The following NTRK2 variants were observed in gnomAD, a reference collection of about 807,000 sequenced individuals.
NTRK2 encodes BDNF/NT-3 growth factors receptor.
In NTRK2, 13 loss-of-function variants were observed where a neutral mutation model predicts 94.5. The ratio of observed to expected loss-of-function variants is 0.14; its 90% CI spans 0.09 to 0.22. The LOEUF (loss-of-function observed/expected upper bound fraction) is 0.22, where lower values mean the gene tolerates loss of function less well. NTRK2 is among the 10% of genes least tolerant of loss of function. The probability of loss-of-function intolerance (pLI) is 1.00; values close to 1 mark genes in which losing one functional copy is unlikely to be tolerated. For missense variants in NTRK2, 639 were observed against 1,071.2 expected (o/e 0.60, Z 5.63); for synonymous variants, 372 against 407.4 (o/e 0.91, Z 1.05).
At chr9:84,805,758 G>T (rs1360526100) in intron 12 of NTRK2, among the ~76,000 whole-genome samples, 2 of 152,166 alleles carry the variant, frequency 1.3e-5, no homozygotes, top group Admixed American at 1.3e-4. Context: ...TGAATAGATG[G>T]GTTCATTCAT....
intron 14 of NTRK2, among the ~76,000 whole-genome samples, chr9:84,914,201 C>A (rs771344455): frequency 6.6e-6 from 1 of 152,000 alleles, no homozygotes; most frequent in African/African-American, 2.4e-5. Flanking sequence ...CTTTATATTT[C>A]TTTCCCGGCA....
Position 84,673,354 on chromosome 9 carries a change from C to T in NTRK2, c.212+2394C>T, listed in dbSNP as rs560125392. On this transcript the variant is annotated intron_variant, in intron 2 of 18. Transcript: ENST00000277120. ...CTTGCACAGCTTTTAAATTCTTGTC[C>T]AGTGGATACCAGCTACAGTTGGAAC... 2.0e-5 allele frequency among the ~76,000 whole-genome samples: 3 copies of T among 152,130 alleles called. No homozygotes were observed. In the South Asian group the frequency reaches 6.2e-4, roughly 32 times the overall value.
intron 14 of NTRK2, among the ~76,000 whole-genome samples, chr9:84,880,175 C>T (rs1294025667): frequency 1.3e-5 from 2 of 152,144 alleles, no homozygotes; most frequent in Admixed American, 1.3e-4. Flanking sequence ...GTTCACTCCT[C>T]GGAGATTAGC....
At chr9:84,969,564 C>A (rs890822309) in intron 17 of NTRK2, among the ~76,000 whole-genome samples, 1 of 152,200 alleles carries the variant, frequency 6.6e-6, no homozygotes, top group East Asian at 1.9e-4. Flanking sequence ...CATAATAACA[C>A]GTGTTTTTGT....
intron 10 of NTRK2, among the ~76,000 whole-genome samples, chr9:84,742,788 A>ATTTTTTTT (rs2063748198): frequency 1.3e-5 from 1 of 79,738 alleles, no homozygotes; most frequent in African/African-American, 5.7e-5. Flanking sequence ...CCATTATATT[A>ATTTTTTTT]GTTTTTTTTT....
chr9:84,699,490 G>A (rs2060588384), intron 2 of NTRK2, among the ~76,000 whole-genome samples: 1 of 152,136 alleles, frequency 6.6e-6, no homozygotes, highest in African/African-American at 2.4e-5. Flanking sequence ...CTTTTGAATG[G>A]TTTTCAGCAA....
chr9:84,995,840 A>T (rs1829690018), intron 17 of NTRK2, among the ~76,000 whole-genome samples: 1 of 152,222 alleles, frequency 6.6e-6, no homozygotes, highest in African/African-American at 2.4e-5. Context: ...AAAGTTTTTA[A>T]TTCAATAGAT....
chr9:84,983,896 G>A (rs1239966577), intron 17 of NTRK2, among the ~76,000 whole-genome samples: 2 of 152,204 alleles, frequency 1.3e-5, no homozygotes, highest in Non-Finnish European at 2.9e-5. Context: ...GACAATTATG[G>A]TGGAAGACAT....
At chr9:84,701,922 T>C (rs944467930) in intron 2 of NTRK2, among the ~76,000 whole-genome samples, 5 of 152,148 alleles carry the variant, frequency 3.3e-5, no homozygotes, top group Non-Finnish European at 7.4e-5. Context: ...GAAAGAGTGA[T>C]GAAACACGAG....
At chr9:84,962,488 CT>C (rs5898877) in intron 17 of NTRK2, among the ~76,000 whole-genome samples, 20,187 of 151,318 alleles carry the variant, frequency 0.13, 1,530 homozygotes, top group African/African-American at 0.19. Context: ...CTTGTGTCCC[CT>C]TTTTTTTTGG....
At chr9:84,996,048 T>C (rs1423262242) in intron 17 of NTRK2, among the ~76,000 whole-genome samples, 1 of 152,240 alleles carries the variant, frequency 6.6e-6, no homozygotes, top group African/African-American at 2.4e-5. Flanking sequence ...TAAAATTGAC[T>C]TAACAAAGAG....
At chr9:84,872,914 G>A (rs528497686) in intron 14 of NTRK2, 32 of 1,065,138 alleles carry the variant, frequency 3.0e-5, no homozygotes, top group African/African-American at 4.9e-5. Context: ...AGCCCACTTC[G>A]TCCTTGTCTT....
chr9:84,737,665 A>C (rs1349326502), intron 9 of NTRK2, among the ~76,000 whole-genome samples: 2 of 152,014 alleles, frequency 1.3e-5, no homozygotes, highest in Non-Finnish European at 2.9e-5. Flanking sequence ...TGTATTTTAG[A>C]ATCGGGGTGC....
intron 17 of NTRK2, among the ~76,000 whole-genome samples, chr9:85,017,400 G>A (rs1374490971): frequency 6.6e-6 from 1 of 152,160 alleles, no homozygotes; most frequent in Admixed American, 6.5e-5. Flanking sequence ...ACAGGTAAGT[G>A]AGCGATTGGA....
At chr9:84,708,134 A>G (rs1362750089) in intron 5 of NTRK2, among the ~76,000 whole-genome samples, 2 of 152,234 alleles carry the variant, frequency 1.3e-5, no homozygotes, top group African/African-American at 4.8e-5. Flanking sequence ...CAGTAGTGAC[A>G]TATCATTTCT....
intron 15 of NTRK2, 99 bp from the exon 16 acceptor site, chr9:84,948,363 T>C: frequency 7.9e-7 from 1 of 1,260,510 alleles, no homozygotes; most frequent in African/African-American, 1.5e-5. Flanking sequence ...ACTAGGCTGT[T>C]TTCTCATCTT....
At chr9:84,955,794 A>T (rs1824042463) in intron 17 of NTRK2, among the ~76,000 whole-genome samples, 1 of 151,974 alleles carries the variant, frequency 6.6e-6, no homozygotes, top group African/African-American at 2.4e-5. Context: ...TTTAGGCCTA[A>T]ATTTCTTCTT....
chr9:84,758,751 T>C (rs1346725710), intron 12 of NTRK2, among the ~76,000 whole-genome samples: 2 of 152,212 alleles, frequency 1.3e-5, no homozygotes, highest in Non-Finnish European at 2.9e-5. Flanking sequence ...CAGAGACGTA[T>C]AGAATAAAGA....
chr9:84,811,091 A>T (rs569523247), intron 12 of NTRK2: 1 of 1,069,772 alleles, frequency 9.3e-7, no homozygotes, highest in Admixed American at 4.9e-5. Context: ...CACTGAATTC[A>T]GAGGGTTTGA....
Sources: allele counts gnomAD v4.1 joint callset (sites outside exome capture counted in the v4.1 genomes callset), GRCh38; gene constraint gnomAD v4.1.1; transcripts MANE v1.5; gene names NCBI Gene and HGNC (gene_info 2026-07-23, HGNC 2026-07-21).